The following ABCA13 variants were observed in gnomAD, a reference collection of about 807,000 sequenced individuals.
ABCA13 encodes the protein ATP binding cassette subfamily A member 13.
In ABCA13, 476 loss-of-function variants were observed where a neutral mutation model predicts 478.7. The observed-to-expected ratio is 0.99, with a 90% confidence interval of 0.92 to 1.07. ABCA13 has a LOEUF of 1.07. Among genes scored for constraint, ABCA13 ranks in the 50% least tolerant of loss-of-function variants. ABCA13 has a pLI of 0.00. For missense variants in ABCA13, 6,060 were observed against 5,910.6 expected (o/e 1.03, Z -0.83); for synonymous variants, 2,252 against 2,158.9 (o/e 1.04, Z -1.20).
intron 58 of ABCA13, 24 bp downstream of exon 58, chr7:48,594,837 C>T: frequency 1.3e-6 from 2 of 1,598,780 alleles, no homozygotes; most frequent in Non-Finnish European, 1.7e-6. Context: ...TCTCTTGTAG[C>T]CATTTCCTGA....
At chr7:48,438,300 G>A (rs1418985901) in intron 42 of ABCA13, among the ~76,000 whole-genome samples, 2 of 151,998 alleles carry the variant, frequency 1.3e-5, no homozygotes, top group African/African-American at 4.8e-5. Flanking sequence ...ATTTCAATGT[G>A]TTTTGTTTGT....
chr7:48,484,693 G>A (rs1291150797), intron 47 of ABCA13, among the ~76,000 whole-genome samples: 1 of 152,178 alleles, frequency 6.6e-6, no homozygotes, highest in African/African-American at 2.4e-5. Flanking sequence ...GTACTGACAT[G>A]TTTGAGTGGT....
chr7:48,239,539 C>A, intron 9 of ABCA13, 134 bp downstream of exon 9: 2 of 1,047,068 alleles, frequency 1.9e-6, no homozygotes, highest in Non-Finnish European at 2.7e-6. Flanking sequence ...AGGAGCCCCA[C>A]ATCCTGGCCA....
At chr7:48,474,059 A>G (rs143621020) in intron 45 of ABCA13, among the ~76,000 whole-genome samples, 1 of 151,896 alleles carries the variant, frequency 6.6e-6, no homozygotes, top group East Asian at 1.9e-4. Flanking sequence ...TTAAATACAT[A>G]ATTATTGTTT....
At chr7:48,589,740 C>T (rs1365071618) in intron 57 of ABCA13, among the ~76,000 whole-genome samples, 2 of 152,190 alleles carry the variant, frequency 1.3e-5, no homozygotes, top group Non-Finnish European at 2.9e-5. Context: ...GATCAAGGCA[C>T]TGCCAGGTCC....
At chr7:48,191,236 A>T (rs1342672423) in intron 1 of ABCA13, among the ~76,000 whole-genome samples, 1 of 152,122 alleles carries the variant, frequency 6.6e-6, no homozygotes, top group East Asian at 1.9e-4. Context: ...CTTTCTTTAT[A>T]GTTTAATTGT....
intron 1 of ABCA13, among the ~76,000 whole-genome samples, chr7:48,187,083 C>G (rs546914615): frequency 9.4e-4 from 140 of 149,512 alleles, no homozygotes; most frequent in Middle Eastern, 3.6e-3. Context: ...ATATATATCA[C>G]AAATATATAT....
chr7:48,351,456 T>C (rs1237358133), intron 30 of ABCA13, among the ~76,000 whole-genome samples: 1 of 152,220 alleles, frequency 6.6e-6, no homozygotes, highest in Non-Finnish European at 1.5e-5. Context: ...TCCACTGGTT[T>C]TTCCTGCGGG....
intron 29 of ABCA13, among the ~76,000 whole-genome samples, chr7:48,348,032 A>T (rs758070820): frequency 6.6e-6 from 1 of 152,214 alleles, no homozygotes; most frequent in Non-Finnish European, 1.5e-5. Flanking sequence ...CCCATAGTCC[A>T]CAAGGCCCAG....
At chr7:48,475,580 C>T (rs1266666506) in intron 45 of ABCA13, among the ~76,000 whole-genome samples, 3 of 150,950 alleles carry the variant, frequency 2.0e-5, no homozygotes, top group South Asian at 4.2e-4. Context: ...ATTCTTCTGC[C>T]TCAGCCTCCT....
intron 23 of ABCA13, among the ~76,000 whole-genome samples, chr7:48,306,200 A>C (rs767415988): frequency 4.6e-5 from 7 of 152,234 alleles, no homozygotes; most frequent in Non-Finnish European, 7.3e-5. Flanking sequence ...GAGCTTCCAC[A>C]TGACAGGGTG....
chr7:48,459,516 A>G (rs1826028666), intron 43 of ABCA13, among the ~76,000 whole-genome samples: 1 of 151,962 alleles, frequency 6.6e-6, no homozygotes, highest in East Asian at 1.9e-4. Context: ...ATACTTCAAA[A>G]CCCGGCTCAG....
chr7:48,197,384 C>T (rs1344329651), intron 2 of ABCA13, among the ~76,000 whole-genome samples: 1 of 152,100 alleles, frequency 6.6e-6, no homozygotes, highest in Non-Finnish European at 1.5e-5. Flanking sequence ...AGGTCTGCTC[C>T]CTGGGGAGGT....
intron 55 of ABCA13, among the ~76,000 whole-genome samples, chr7:48,545,500 G>T (rs1436605744): frequency 1.3e-5 from 2 of 151,544 alleles, no homozygotes; most frequent in Non-Finnish European, 3.0e-5. Flanking sequence ...TGATACCCAT[G>T]GGCACTTTTA....
chr7:48,390,847 A>G (rs772699777), intron 37 of ABCA13, among the ~76,000 whole-genome samples: 3 of 152,186 alleles, frequency 2.0e-5, no homozygotes, highest in African/African-American at 2.4e-5. Flanking sequence ...ATGGGTTGCA[A>G]CTGAGGTTGT....
At chr7:48,506,563 G>T (rs973568583) in intron 49 of ABCA13, among the ~76,000 whole-genome samples, 173 bp downstream of exon 49, 1 of 152,172 alleles carries the variant, frequency 6.6e-6, no homozygotes, top group Admixed American at 6.5e-5. Flanking sequence ...TGAGAAAAAC[G>T]ACTATTAAGA....
In ABCA13 at chr7:48,198,342, C is replaced by G; in HGVS notation, c.269C>G (p.Ser90Ter). ...TGTAGGAACTTCAGCTATGAAGGGTCAATGGAGCATCATTTTCGGTAAGAG... is the reference window on the plus strand; with the variant it reads ...TGTAGGAACTTCAGCTATGAAGGGTGAATGGAGCATCATTTTCGGTAAGAG... ...SRCRNFSYEG[S>*]MEHHFRLSRF... Residue 90 changes from serine to a stop codon, truncating the protein, a stop_gained, in exon 3 of 62, where the codon TCA (serine) becomes TGA (stop). Transcript: ENST00000435803. LOFTEE classifies it high-confidence loss of function. 6.2e-7 allele frequency: 1 copy of G among 1,613,606 alleles called. No individual in the cohort carries two copies. The highest frequency in any genetic ancestry group is 8.5e-7 in the Non-Finnish European group (1 of 1,179,790).
intron 29 of ABCA13, among the ~76,000 whole-genome samples, chr7:48,341,727 G>C (rs1209890433): frequency 6.7e-6 from 1 of 148,928 alleles, no homozygotes; most frequent in Admixed American, 6.7e-5. Flanking sequence ...CTTTTGCCCT[G>C]TGTGTGTGTA....
intron 3 of ABCA13, among the ~76,000 whole-genome samples, chr7:48,215,469 G>C (rs190769435): frequency 7.9e-5 from 12 of 152,220 alleles, no homozygotes; most frequent in Admixed American, 6.5e-4. Flanking sequence ...ATTTTGTGAG[G>C]ATTACCAAAA....
Sources: gnomAD v4.1 joint callset for allele counts (sites outside exome capture counted in the v4.1 genomes callset) on GRCh38, gnomAD v4.1.1 for gene constraint, MANE v1.5 for transcripts, NCBI Gene and HGNC (gene_info 2026-07-23, HGNC 2026-07-21) for gene names.